The following SRPK1 variants were observed in gnomAD, a reference collection of about 807,000 sequenced individuals.
SRPK1 encodes the protein SFRS protein kinase 1.
A neutral mutation model predicts 89.5 loss-of-function variants in SRPK1; 52 were observed. That is an observed-to-expected ratio of 0.58 (90% confidence interval 0.46 to 0.73). The LOEUF is 0.73. SRPK1 is among the 30% of genes least tolerant of loss of function. The pLI, the probability that SRPK1 is intolerant of heterozygous loss-of-function variation, is 0.00. For missense variants in SRPK1, 603 were observed against 780.6 expected, an observed-to-expected ratio of 0.77 and a Z score of 2.71; for synonymous variants, 255 against 270.2, an observed-to-expected ratio of 0.94 and a Z score of 0.55.
In SRPK1 at chr6:35,860,027, A is replaced by AT. The variant is rs372646851; in HGVS notation, c.1513-2660dup. ...GTGCCTGCCACAACGCCTGGCTAAT[A>AT]TTTTTTTTTTGTATTTTTAGTAGAG... On this transcript the variant is annotated intron_variant, in intron 12 of 15. Transcript: ENST00000373825. Among the ~76,000 whole-genome samples, 881 of 147,882 alleles carry AT rather than the reference A, an allele frequency of 6.0e-3. 9 individuals carry two copies. The highest frequency in any genetic ancestry group is 0.02 in the African/African-American group (797 of 40,308).
intron 13 of SRPK1, among the ~76,000 whole-genome samples, chr6:35,848,797 T>C (rs1040379939): frequency 6.6e-6 from 1 of 152,012 alleles, no homozygotes; most frequent in Non-Finnish European, 1.5e-5. Flanking sequence ...AAACTGGATA[T>C]AAAAAGAATG....
chr6:35,876,085 T>TAA (rs34493292), intron 6 of SRPK1, among the ~76,000 whole-genome samples: 1,249 of 77,476 alleles, frequency 0.016, 12 homozygotes, highest in East Asian at 0.025. Flanking sequence ...ATTCTTAAAT[T>TAA]AAAAAAAAAA....
chr6:35,865,939 T>C lies in SRPK1; in HGVS notation c.1512+3071A>G, dbSNP rs188016803. On this transcript the variant is annotated intron_variant, in intron 12 of 15. Transcript: ENST00000373825. ...AAGAGTCAACAGGCAACCTACAAAA[T>C]GGGAGAAAAAAATCTGCAAACTATA... Among the ~76,000 whole-genome samples, 123 of 151,216 alleles carry C rather than the reference T, an allele frequency of 8.1e-4. 2 individuals carry two copies. In the East Asian group the frequency reaches 0.021, roughly 26 times the overall value.
chr6:35,835,526 CACAG>C (rs1249632100), intron 15 of SRPK1, 38 bp from the exon 16 acceptor site: 3 of 1,559,074 alleles, frequency 1.9e-6, no homozygotes, highest in Admixed American at 3.8e-5. Flanking sequence ...CACTGATCAA[CACAG>C]ACAAATGACA....
rs895300517 is a variant in SRPK1, at chr6:35,834,131, G to A, written c.*1173C>T. 2 of 149,592 alleles carry A rather than the reference G, an allele frequency of 1.3e-5. No individual in the cohort carries two copies. Among genetic ancestry groups the A allele is most frequent in the Admixed American group, 6.8e-5 (1 of 14,796 alleles). 9.3% of individuals were successfully genotyped at this position (149,592 alleles called of 1,614,324 possible). A position where few individuals can be genotyped will look rare whatever the true frequency, so the allele number is the denominator to read the frequency against. On this transcript the variant is annotated 3_prime_UTR_variant, in exon 16 of 16. Transcript: ENST00000373825. ...TGTAGGGAAATAGCAGCAGAGAATG[G>A]CTAATCTTAAAAAATAACGAACCAA...
intron 2 of SRPK1, among the ~76,000 whole-genome samples, chr6:35,906,354 A>G (rs1270006985): frequency 6.6e-6 from 1 of 152,132 alleles, no homozygotes; most frequent in African/African-American, 2.4e-5. Context: ...CCTCCTGAGT[A>G]GCTGGGATTA....
chr6:35,916,529 A>AT (rs935763410), intron 2 of SRPK1, among the ~76,000 whole-genome samples: 19 of 150,742 alleles, frequency 1.3e-4, no homozygotes, highest in East Asian at 3.9e-4. Context: ...TCTCTTGTAA[A>AT]TTTTTTTTTT....
intron 2 of SRPK1, among the ~76,000 whole-genome samples, chr6:35,903,112 C>T (rs1311234580): frequency 2.7e-5 from 4 of 150,306 alleles, no homozygotes; most frequent in Middle Eastern, 3.4e-3. Context: ...GACCCTGTCT[C>T]TATTTAAAAA....
At chr6:35,861,791 A>G (rs926022243) in intron 12 of SRPK1, among the ~76,000 whole-genome samples, 1 of 152,128 alleles carries the variant, frequency 6.6e-6, no homozygotes, top group Non-Finnish European at 1.5e-5. Flanking sequence ...GGCTTTTTTG[A>G]GACTGAGACT....
In SRPK1 at chr6:35,833,109, AATGTAT is replaced by A. The variant is rs1431216737; in HGVS notation, c.*2189_*2194del. On this transcript the variant is annotated 3_prime_UTR_variant, in exon 16 of 16. Transcript: ENST00000373825. ...CAATGCCCTCAGTAGAAAGAATAAA[AATGTAT>A]TTAGGGCTTTATTTTTAACTGACAG... is the stretch of plus-strand genomic sequence containing the variant. 1 of 152,668 alleles carries A rather than the reference AATGTAT, an allele frequency of 6.6e-6. No individual in the cohort carries two copies. The highest frequency in any genetic ancestry group is 2.4e-5 in the African/African-American group (1 of 41,466). The allele number at this position is 152,668 out of a possible 1,614,324, so 9.5% of individuals were successfully genotyped here.
Position 35,857,324 on chromosome 6 carries a change from GGAAC to G in SRPK1, c.1553_1556del (p.Arg518ProfsTer5). The stretch of plus-strand genomic sequence containing the variant: ...AGCCAGATCCGATTAGAACTTCCAA[GGAAC>G]GATATTGCCTTGTTTGAATATCTTC... On this transcript the variant is annotated frameshift_variant, in exon 13 of 16. Transcript: ENST00000373825. LOFTEE classifies it high-confidence loss of function. 6.2e-7 allele frequency: 1 copy of G among 1,613,178 alleles called. No individual in the cohort carries two copies. The highest frequency in any genetic ancestry group is 1.3e-5 in the African/African-American group (1 of 75,026).
Position 35,835,169 on chromosome 6 carries a change from T to G in SRPK1, c.*135A>C. 1 of 826,022 alleles carries G rather than the reference T, an allele frequency of 1.2e-6. No homozygotes were observed. The allele number at this position is 826,022 out of a possible 1,614,324, so 51.2% of individuals were successfully genotyped here. ...TCAAGTAAGCAAACCCAAATGAACA[T>G]GTTGGATTAAAAAAAAAACAAGATC... On this transcript the variant is annotated 3_prime_UTR_variant, in exon 16 of 16. Transcript: ENST00000373825.
intron 6 of SRPK1, among the ~76,000 whole-genome samples, chr6:35,878,005 T>C (rs1770193424): frequency 6.6e-6 from 1 of 152,070 alleles, no homozygotes; most frequent in East Asian, 1.9e-4. Flanking sequence ...ATAAAACAAT[T>C]TGGAAAAATA....
rs557128636 is a variant in SRPK1, at chr6:35,834,251, G to A, written c.*1053C>T. 1.3e-5 allele frequency: 2 copies of A among 152,404 alleles called. No homozygotes were observed. Among genetic ancestry groups the A allele is most frequent in the South Asian group, 4.2e-4 (2 of 4,814 alleles). The allele number at this position is 152,404 out of a possible 1,614,324, so 9.4% of individuals were successfully genotyped here. ...TCATTTGGGGTTATATTAAAGACTC[G>A]AGCCTCTGAGAAAATCAGAAAGGCA... On this transcript the variant is annotated 3_prime_UTR_variant, in exon 16 of 16. Coordinates refer to ENST00000373825, the MANE Select transcript of SRPK1 (RefSeq NM_003137.5).
chr6:35,915,800 G>T (rs1003952198), intron 2 of SRPK1, among the ~76,000 whole-genome samples: 1 of 151,534 alleles, frequency 6.6e-6, no homozygotes, highest in African/African-American at 2.4e-5. Context: ...GTGAAATCCC[G>T]TCTCTACTAA....
At chr6:35,871,536 G>A (rs1173001729) in intron 8 of SRPK1, among the ~76,000 whole-genome samples, 2 of 152,194 alleles carry the variant, frequency 1.3e-5, no homozygotes, top group Admixed American at 1.3e-4. Flanking sequence ...AACAGGATCT[G>A]TAGAATGTTT....
chr6:35,847,518 C>A (rs1769452001), intron 13 of SRPK1, among the ~76,000 whole-genome samples: 1 of 152,038 alleles, frequency 6.6e-6, no homozygotes, highest in African/African-American at 2.4e-5. Context: ...TGACATGATC[C>A]TATATATAGA....
At chr6:35,877,062 G>GA (rs1323500032) in intron 6 of SRPK1, among the ~76,000 whole-genome samples, 8 of 152,136 alleles carry the variant, frequency 5.3e-5, no homozygotes, top group Admixed American at 2.6e-4. Context: ...AGGCAGAGAA[G>GA]AAAAAACATC....
In SRPK1 at chr6:35,872,660, G is replaced by A. The variant is rs758791035; in HGVS notation, c.654C>T (p.Asn218=). 3.1e-6 allele frequency: 5 copies of A among 1,612,182 alleles called. No homozygotes were observed. The African/African-American group carries it at 6.7e-5, about 22-fold the overall frequency. The change falls in exon 8 of 16, where the codon AAC becomes AAT. Residue 218 remains asparagine, a synonymous_variant. Coordinates refer to ENST00000373825, the MANE Select transcript of SRPK1 (RefSeq NM_003137.5). Reference sequence around the variant, plus strand: ...ACTGCTCATTCACTGACAATAAGATGTTCTCTGGTTTAATGTCAGTGTGGA... The same window carrying A: ...ACTGCTCATTCACTGACAATAAGATATTCTCTGGTTTAATGTCAGTGTGGA... The part of the protein sequence containing the change: ...RIIHTDIKPE[N]ILLSVNEQYI...
Sources: allele counts gnomAD v4.1 joint callset (sites outside exome capture counted in the v4.1 genomes callset), GRCh38; gene constraint gnomAD v4.1.1; transcripts MANE v1.5; gene names NCBI Gene and HGNC (gene_info 2026-07-23, HGNC 2026-07-21).